The following PNLIP variants were observed in gnomAD, a reference collection of about 807,000 sequenced individuals.
PNLIP encodes pancreatic triacylglycerol lipase.
PNLIP carries 49 observed loss-of-function variants against 57.1 expected under a neutral mutation model. The observed-to-expected ratio is 0.86, with a 90% confidence interval of 0.68 to 1.09. The LOEUF (loss-of-function observed/expected upper bound fraction) is 1.09. Ranked by LOEUF, PNLIP falls within the 50% of genes least tolerant of loss-of-function variation. The pLI is 0.00. For synonymous variants in PNLIP, 209 were observed against 200.4 expected, an observed-to-expected ratio of 1.04 and a Z score of -0.36; for missense variants, 503 against 570.2, an observed-to-expected ratio of 0.88 and a Z score of 1.20.
At position 116,546,150 on chromosome 10, in the gene PNLIP, A is replaced by G; in HGVS notation, c.46+12A>G. On this transcript the variant is annotated intron_variant, in intron 2 of 12. Coordinates refer to ENST00000369221, the MANE Select transcript of PNLIP (RefSeq NM_000936.4). ...GGGAGCAGTAGCAGGTAAGAAAACA[A>G]ATAAATGTTGAGCTGGGAGAGATTC... The G allele has an allele frequency of 6.2e-7, 1 of 1,612,010 alleles. No homozygotes were observed. The highest frequency in any genetic ancestry group is 8.5e-7 in the Non-Finnish European group (1 of 1,178,116).
chr10:116,554,014 G>A lies in PNLIP; in HGVS notation c.571+176G>A, dbSNP rs143557477. Reference sequence around the variant, plus strand: ...ATGCAGCCTGTATGTGATTTAAAAGGAAATACAAGATGGAAATTTGGTGCA... The same window carrying A: ...ATGCAGCCTGTATGTGATTTAAAAGAAAATACAAGATGGAAATTTGGTGCA... On this transcript the variant is annotated intron_variant, in intron 6 of 12. Transcript: ENST00000369221. Among the ~76,000 whole-genome samples, 870 of 152,006 alleles carry A rather than the reference G, an allele frequency of 5.7e-3. 5 individuals carry two copies. Among genetic ancestry groups the A allele is most frequent in the Non-Finnish European group, 8.9e-3 (602 of 67,978 alleles).
chr10:116,551,032 G>A lies in PNLIP; in HGVS notation c.325-66G>A, dbSNP rs982678494. On this transcript the variant is annotated intron_variant, in intron 4 of 12. Coordinates refer to ENST00000369221, the MANE Select transcript of PNLIP (RefSeq NM_000936.4). ...GGAGGGAATTTATCCTAGTCCTCCA[G>A]TATGTTAACTAGTAATTAATAAAGA... 4 of 1,322,098 alleles carry A rather than the reference G, an allele frequency of 3.0e-6. No individual in the cohort carries two copies. The Admixed American group carries it at 7.2e-5, about 24-fold the overall frequency. The allele number at this position is 1,322,098 out of a possible 1,614,324, so 81.9% of individuals were successfully genotyped here.
At chr10:116,560,769 G>A (rs1043196901) in intron 11 of PNLIP, among the ~76,000 whole-genome samples, 6 of 151,594 alleles carry the variant, frequency 4.0e-5, no homozygotes, top group Non-Finnish European at 8.8e-5. Flanking sequence ...ATTGAGATGG[G>A]GTTTCACCAT....
At chr10:116,555,908 A>C in intron 8 of PNLIP, 92 bp from the exon 9 acceptor site, 1 of 773,176 alleles carries the variant, frequency 1.3e-6, no homozygotes. Flanking sequence ...CACACTAATT[A>C]GAGAAATCTA....
In PNLIP at chr10:116,551,250, G is replaced by A; in HGVS notation, c.459+18G>A. The A allele has an allele frequency of 6.5e-7, 1 of 1,531,598 alleles. No individual in the cohort carries two copies. Among genetic ancestry groups the A allele is most frequent in the South Asian group, 1.2e-5 (1 of 85,426 alleles). The allele number at this position is 1,531,598 out of a possible 1,614,324, so 94.9% of individuals were successfully genotyped here. A position where few individuals can be genotyped will look rare whatever the true frequency, so the allele number is the denominator to read the frequency against. On this transcript the variant is annotated intron_variant, in intron 5 of 12. Transcript: ENST00000369221. ...TTCTTCAGGTAATTACTCCCGGATT[G>A]CATAAAAGCCTGTACACATGGTTTT...
intron 10 of PNLIP, 70 bp downstream of exon 10, chr10:116,559,353 T>A: frequency 8.4e-7 from 1 of 1,185,248 alleles, no homozygotes; most frequent in Non-Finnish European, 1.2e-6. Context: ...ACTGAAAATG[T>A]GCATACTTGC....
chr10:116,550,295 T>G (rs1389805396), intron 4 of PNLIP, among the ~76,000 whole-genome samples: 1 of 151,598 alleles, frequency 6.6e-6, no homozygotes, highest in African/African-American at 2.4e-5. Context: ...CATGACCTTG[T>G]GATCCACCTG....
chr10:116,550,324 C>T (rs1253261383), intron 4 of PNLIP, among the ~76,000 whole-genome samples: 2 of 151,040 alleles, frequency 1.3e-5, no homozygotes, highest in Non-Finnish European at 1.5e-5. Flanking sequence ...TCCCAAAGTG[C>T]TGGGATTACA....
Position 116,553,835 on chromosome 10 carries a change from A to G in PNLIP, c.568A>G (p.Thr190Ala), listed in dbSNP as rs1847221934. The G allele has an allele frequency of 6.3e-7, 1 of 1,597,224 alleles. No homozygotes were observed. Residue 190 changes from threonine (T) to alanine (A), a missense_variant, in exon 6 of 13, where the codon ACA (threonine) becomes GCA (alanine). Coordinates refer to ENST00000369221, the MANE Select transcript of PNLIP (RefSeq NM_000936.4). The stretch of plus-strand genomic sequence containing the variant: ...AACCAATGGGACCATTGGACGCATC[A>G]CAGGTTGGTGAAAACAGTGAAAGAT... ...RRTNGTIGRI[T>A]GLDPAEPCFQ...
At chr10:116,553,862 C>T (rs779397478) in intron 6 of PNLIP, 24 bp downstream of exon 6, 11 of 1,445,940 alleles carry the variant, frequency 7.6e-6, no homozygotes, top group Non-Finnish European at 1.1e-5. Flanking sequence ...GTGAAAGATA[C>T]CAGGGGGGTT....
At chr10:116,563,043 TGAG>T (rs1781834972) in intron 12 of PNLIP, among the ~76,000 whole-genome samples, 1 of 152,142 alleles carries the variant, frequency 6.6e-6, no homozygotes, top group South Asian at 2.1e-4. Flanking sequence ...CAGCCTATAA[TGAG>T]GAGAATAATC....
intron 3 of PNLIP, among the ~76,000 whole-genome samples, chr10:116,547,725 CAAAAAAAAAAAAA>C (rs569977938): frequency 2.1e-5 from 1 of 47,244 alleles, no homozygotes; most frequent in Non-Finnish European, 4.1e-5. Context: ...GACTCCATCT[CAAAAAAAAAAAAA>C]AAAAAAAAAA....
At chr10:116,554,001 TG>T (rs1564725432) in intron 6 of PNLIP, among the ~76,000 whole-genome samples, 163 bp downstream of exon 6, 1 of 151,926 alleles carries the variant, frequency 6.6e-6, no homozygotes, top group Non-Finnish European at 1.5e-5. Context: ...GCAGCCTGTA[TG>T]TGATTTAAAA....
Position 116,559,159 on chromosome 10 carries a change from G to GTGTT in PNLIP, c.938_941dup (p.Phe314LeufsTer17), listed in dbSNP as rs775389881. The GTGTT allele has an allele frequency of 6.2e-7, 1 of 1,611,010 alleles. No individual in the cohort carries two copies. The highest frequency in any genetic ancestry group is 8.5e-7 in the Non-Finnish European group (1 of 1,179,206). ...CATTTGTTTGTTTTCACTAGAACAA[G>GTGTT]TGTTTCCCTTGTCCAAGTGGAGGCT... On this transcript the variant is annotated frameshift_variant, in exon 10 of 13. Transcript: ENST00000369221. LOFTEE classifies it high-confidence loss of function.
chr10:116,555,593 TACAGGTCTC>T, intron 8 of PNLIP, 86 bp downstream of exon 8: 1 of 1,417,070 alleles, frequency 7.1e-7, no homozygotes, highest in Non-Finnish European at 9.7e-7. Flanking sequence ...TTTGGAATTG[TACAGGTCTC>T]ACATTTTACA....
intron 10 of PNLIP, among the ~76,000 whole-genome samples, chr10:116,559,931 T>C (rs1847295011): frequency 6.6e-6 from 1 of 152,136 alleles, no homozygotes; most frequent in Admixed American, 6.5e-5. Flanking sequence ...TAAATTAATA[T>C]ATTCCCAAAG....
At chr10:116,563,114 A>G (rs1295993700) in intron 12 of PNLIP, among the ~76,000 whole-genome samples, 1 of 152,190 alleles carries the variant, frequency 6.6e-6, no homozygotes, top group African/African-American at 2.4e-5. Context: ...GAAAATTAAA[A>G]CAGTTCTTAA....
chr10:116,558,058 C>T (rs1277575258), intron 9 of PNLIP, among the ~76,000 whole-genome samples: 1 of 151,462 alleles, frequency 6.6e-6, no homozygotes, highest in African/African-American at 2.4e-5. Flanking sequence ...CGAGACCATC[C>T]TGGCTAACAT....
At position 116,551,082 on chromosome 10, in the gene PNLIP, G is replaced by GTGCC; in HGVS notation, c.325-15_325-12dup. 1.9e-6 allele frequency: 3 copies of GTGCC among 1,559,188 alleles called. No homozygotes were observed. Among genetic ancestry groups the GTGCC allele is most frequent in the Non-Finnish European group, 2.6e-6 (3 of 1,151,048 alleles). On this transcript the variant is annotated splice_polypyrimidine_tract_variant and intron_variant, in intron 4 of 12. Coordinates refer to ENST00000369221, the MANE Select transcript of PNLIP (RefSeq NM_000936.4). ...ATCCTGAATTATTTATCTGTTTATT[G>GTGCC]TGCCCCTTCCACCAGAATCTGTTCA... is the stretch of plus-strand genomic sequence containing the variant.
Sources: gnomAD v4.1 joint callset for allele counts (sites outside exome capture counted in the v4.1 genomes callset) on GRCh38, gnomAD v4.1.1 for gene constraint, MANE v1.5 for transcripts, NCBI Gene and HGNC (gene_info 2026-07-23, HGNC 2026-07-21) for gene names.